MTMR7: variants seen among roughly 807,000 people sequenced by gnomAD.
MTMR7 encodes phosphatidylinositol-3-phosphate phosphatase MTMR7.
A neutral mutation model predicts 81.2 loss-of-function variants in MTMR7; 76 were observed. The ratio of observed to expected loss-of-function variants is 0.94; its 90% CI spans 0.78 to 1.13. The LOEUF is 1.13. MTMR7 is among the 50% of genes most tolerant of loss of function. The probability of loss-of-function intolerance (pLI) is 0.00; values close to 1 mark genes in which losing one functional copy is unlikely to be tolerated. For missense variants in MTMR7, 1,044 were observed against 820.0 expected (o/e 1.27, Z -3.34); for synonymous variants, 372 against 289.8 (o/e 1.28, Z -2.88).
chr8:17,315,806 G>C (rs892339628), intron 7 of MTMR7, among the ~76,000 whole-genome samples: 1 of 152,146 alleles, frequency 6.6e-6, no homozygotes, highest in African/African-American at 2.4e-5. Flanking sequence ...GAGTCAAGGA[G>C]TTCAAGAACA....
At chr8:17,345,334 G>A (rs1414870553) in intron 5 of MTMR7, among the ~76,000 whole-genome samples, 1 of 152,178 alleles carries the variant, frequency 6.6e-6, no homozygotes, top group Non-Finnish European at 1.5e-5. Flanking sequence ...TTCCCTGCCA[G>A]TCATGGAATG....
In MTMR7 at chr8:17,302,306, A is replaced by G. The variant is rs764850597; in HGVS notation, c.1494-26T>C. ...CTGGAAAGGATGGCAAAGCGTCGTG[A>G]TACCACCTTATCACAGTCTGAAAAT... On this transcript the variant is annotated intron_variant, in intron 12 of 13. Coordinates refer to ENST00000180173, the MANE Select transcript of MTMR7 (RefSeq NM_004686.5). 3 of 1,608,040 alleles carry G rather than the reference A, an allele frequency of 1.9e-6. No homozygotes were observed. In the East Asian group the frequency reaches 6.7e-5, roughly 36 times the overall value.
chr8:17,372,797 A>G (rs1472960189), intron 2 of MTMR7, among the ~76,000 whole-genome samples: 1 of 152,156 alleles, frequency 6.6e-6, no homozygotes, highest in Non-Finnish European at 1.5e-5. Flanking sequence ...CAAATGGAGC[A>G]CTGGAGGATG....
chr8:17,348,822 A>G, intron 5 of MTMR7, 131 bp downstream of exon 5: 1 of 1,068,838 alleles, frequency 9.4e-7, no homozygotes, highest in Non-Finnish European at 1.4e-6. Flanking sequence ...CATACCATGC[A>G]CAGGAATATC....
intron 12 of MTMR7, among the ~76,000 whole-genome samples, chr8:17,302,652 T>A (rs1205478605): frequency 6.6e-6 from 1 of 151,196 alleles, no homozygotes; most frequent in Non-Finnish European, 1.5e-5. Context: ...AACTTGCAGC[T>A]TTTATCTTTT....
intron 4 of MTMR7, among the ~76,000 whole-genome samples, chr8:17,359,584 T>TAA (rs11400421): frequency 0.041 from 5,578 of 135,518 alleles, 501 homozygotes; most frequent in East Asian, 0.31. Flanking sequence ...CCTGTTTCCT[T>TAA]AAAAAAAAAA....
rs1345697933 is a variant in MTMR7 at position 17,297,040 on chromosome 8, A to AT, written c.*2821dup. Reference sequence around the variant, plus strand: ...TTTTTGCAACAGAGATTAAGTGACCATTTTTTCTAATTTTATGGCTATATA... The same window carrying AT: ...TTTTTGCAACAGAGATTAAGTGACCATTTTTTTCTAATTTTATGGCTATATA... On this transcript the variant is annotated 3_prime_UTR_variant, in exon 14 of 14. Coordinates refer to ENST00000180173, the MANE Select transcript of MTMR7 (RefSeq NM_004686.5). 6.6e-6 allele frequency: 1 copy of AT among 152,130 alleles called. No homozygotes were observed. Among genetic ancestry groups the AT allele is most frequent in the African/African-American group, 2.4e-5 (1 of 41,442 alleles). The allele number at this position is 152,130 out of a possible 1,614,324, so 9.4% of individuals were successfully genotyped here.
At chr8:17,412,747 C>T (rs1046301493) in intron 1 of MTMR7, among the ~76,000 whole-genome samples, 3 of 152,174 alleles carry the variant, frequency 2.0e-5, no homozygotes, top group South Asian at 2.1e-4. Flanking sequence ...CTGTGTAAGG[C>T]CCCTTGCAGC....
At chr8:17,413,183 C>G in intron 1 of MTMR7, 86 bp downstream of exon 1, 1 of 1,456,310 alleles carries the variant, frequency 6.9e-7, no homozygotes, top group Non-Finnish European at 9.4e-7. Flanking sequence ...CCCCTCAAAG[C>G]AGTCGGCCTC....
At chr8:17,335,859 G>A (rs754001255) in intron 6 of MTMR7, among the ~76,000 whole-genome samples, 15 of 152,178 alleles carry the variant, frequency 9.9e-5, no homozygotes, top group East Asian at 1.9e-4. Flanking sequence ...TTCCAGTCCC[G>A]TATGTGACGC....
chr8:17,384,657 A>C (rs1227675056), intron 1 of MTMR7, among the ~76,000 whole-genome samples: 1 of 152,208 alleles, frequency 6.6e-6, no homozygotes, highest in African/African-American at 2.4e-5. Flanking sequence ...ATCTCTTATA[A>C]TTACAGAAAA....
chr8:17,390,630 G>A lies in MTMR7; in HGVS notation c.25-17390C>T, dbSNP rs531168846. ...GCTATAAAGATAGTACCCAAGACTG[G>A]GTAATTTATAAAGGAAAGAGGTTTA... On this transcript the variant is annotated intron_variant, in intron 1 of 13. Transcript: ENST00000180173. Among the ~76,000 whole-genome samples the A allele has an allele frequency of 5.9e-5, 9 of 151,996 alleles. No homozygotes were observed. In the South Asian group the frequency reaches 1.9e-3, roughly 32 times the overall value.
chr8:17,332,267 T>C (rs1819042825), intron 6 of MTMR7, among the ~76,000 whole-genome samples: 1 of 152,178 alleles, frequency 6.6e-6, no homozygotes, highest in Non-Finnish European at 1.5e-5. Flanking sequence ...ATAGTACTTT[T>C]TAAAAGCTAA....
chr8:17,396,582 T>A (rs1194653763), intron 1 of MTMR7, among the ~76,000 whole-genome samples: 1 of 152,146 alleles, frequency 6.6e-6, no homozygotes, highest in African/African-American at 2.4e-5. Flanking sequence ...AGAACTTGAA[T>A]TCTGGCAAGC....
At position 17,300,156 on chromosome 8, in the gene MTMR7, G is replaced by C. The variant is rs1382003436; in HGVS notation, c.1689C>G (p.Ser563Arg). Residue 563 changes from serine (S) to arginine (R), a missense_variant, in exon 14 of 14, where the codon AGC becomes AGG. Transcript: ENST00000180173. Reference protein sequence around the residue: ...TKVKSKQSEPSKHSGFSTSDN... With the variant: ...TKVKSKQSEPRKHSGFSTSDN... ...CTGAGGTAGAAAACCCTGAGTGCTT[G>C]CTGGGCTCACTTTGCTTACTCTTCA... 6.2e-7 allele frequency: 1 copy of C among 1,613,988 alleles called. No individual in the cohort carries two copies. Among genetic ancestry groups the C allele is most frequent in the Admixed American group, 1.7e-5 (1 of 59,998 alleles).
At chr8:17,381,820 C>A (rs1351268977) in intron 1 of MTMR7, among the ~76,000 whole-genome samples, 2 of 152,196 alleles carry the variant, frequency 1.3e-5, no homozygotes, top group African/African-American at 4.8e-5. Context: ...AAATTGGTAT[C>A]ATGACATTTT....
rs1819650360 is a variant in MTMR7, at chr8:17,349,098, CAA to C, written c.469-19_469-18del. 10 of 1,609,482 alleles carry C rather than the reference CAA, an allele frequency of 6.2e-6. No homozygotes were observed. Among genetic ancestry groups the C allele is most frequent in the Middle Eastern group, 1.7e-4 (1 of 6,060 alleles). On this transcript the variant is annotated intron_variant, in intron 4 of 13. Coordinates refer to ENST00000180173, the MANE Select transcript of MTMR7 (RefSeq NM_004686.5). ...GTCACAGACCTGTCACCAGAAAATA[CAA>C]AGAGATTTTTAGGCCATCTAGTAAT...
At chr8:17,346,653 G>A (rs1432571599) in intron 5 of MTMR7, among the ~76,000 whole-genome samples, 1 of 146,732 alleles carries the variant, frequency 6.8e-6, no homozygotes, top group South Asian at 2.1e-4. Context: ...CTTGTCTCAA[G>A]AATATAAAAA....
chr8:17,304,334 T>A, intron 12 of MTMR7, 45 bp downstream of exon 12: 1 of 1,592,876 alleles, frequency 6.3e-7, no homozygotes, highest in Admixed American at 1.7e-5. Context: ...GGTACCAGAA[T>A]CCAAGTTCAT....
Sources: gnomAD v4.1 joint callset for allele counts (sites outside exome capture counted in the v4.1 genomes callset) on GRCh38, gnomAD v4.1.1 for gene constraint, MANE v1.5 for transcripts, NCBI Gene and HGNC (gene_info 2026-07-23, HGNC 2026-07-21) for gene names.